CHFR: variants seen among roughly 807,000 people sequenced by gnomAD.
CHFR encodes E3 ubiquitin-protein ligase CHFR.
CHFR carries 57 observed loss-of-function variants against 87.6 expected under a neutral mutation model. The ratio of observed to expected loss-of-function variants is 0.65; its 90% CI spans 0.53 to 0.81. The LOEUF (loss-of-function observed/expected upper bound fraction) is 0.81, where lower values mean the gene tolerates loss of function less well. CHFR is among the 30% of genes least tolerant of loss of function. The pLI, the probability that CHFR is intolerant of heterozygous loss-of-function variation, is 0.00. For synonymous variants in CHFR, 381 were observed against 359.2 expected (o/e 1.06, Z -0.69); for missense variants, 797 against 865.8 (o/e 0.92, Z 1.00).
chr12:132,858,881 T>C (rs1951147761), intron 8 of CHFR, among the ~76,000 whole-genome samples, 187 bp downstream of exon 8: 2 of 145,982 alleles, frequency 1.4e-5, no homozygotes, highest in Admixed American at 6.9e-5. Flanking sequence ...GAGGGAGAGG[T>C]TGCAGTGGGC....
intron 16 of CHFR, 143 bp from the exon 17 acceptor site, chr12:132,843,226 C>T (rs189121495): frequency 8.2e-6 from 6 of 732,102 alleles, no homozygotes; most frequent in African/African-American, 3.5e-5. Flanking sequence ...TTCCTCGGAC[C>T]GTTCTGAGAT....
rs1950634880 is a variant in CHFR, at chr12:132,834,761, G to A, written c.*6793C>T. 6.6e-6 allele frequency: 1 copy of A among 150,492 alleles called. No homozygotes were observed. Among genetic ancestry groups the A allele is most frequent in the Admixed American group, 6.6e-5 (1 of 15,140 alleles). 9.3% of individuals were successfully genotyped at this position (150,492 alleles called of 1,614,324 possible). A position where few individuals can be genotyped will look rare whatever the true frequency, so the allele number is the denominator to read the frequency against. ...GATAGAGTCTCGCTCTGTCGCCCAG[G>A]CGGGAGTGCAGTGGTGCGATCTCGG... On this transcript the variant is annotated 3_prime_UTR_variant, in exon 18 of 18. Transcript: ENST00000450056.
At position 132,853,480 on chromosome 12, in the gene CHFR, G is replaced by A; in HGVS notation, c.1323C>T (p.Ala441=). 1.3e-6 allele frequency: 2 copies of A among 1,539,850 alleles called. No homozygotes were observed. The highest frequency in any genetic ancestry group is 1.7e-6 in the Non-Finnish European group (2 of 1,150,306). The change falls in exon 11 of 18, where the codon GCC becomes GCT. Residue 441 remains alanine (A), a synonymous_variant. Transcript: ENST00000450056. The part of the protein sequence containing the change: ...HCPAPEGEPG[A]PQALGDAPST... ...AGGGTGCATCCCCCAGGGCCTGTGG[G>A]GCTCCTGGCTCGCCCTCGGGTGCTG... is the stretch of plus-strand genomic sequence containing the variant.
chr12:132,866,860 G>A (rs757496295), intron 6 of CHFR: 23 of 152,214 alleles, frequency 1.5e-4, no homozygotes, highest in African/African-American at 4.3e-4. Context: ...GGCCAACAAC[G>A]TCTCTACTAA....
intron 10 of CHFR, among the ~76,000 whole-genome samples, chr12:132,855,227 G>A (rs1241528792): frequency 4.9e-5 from 7 of 144,106 alleles, no homozygotes; most frequent in Non-Finnish European, 1.1e-4. Context: ...GGGCAACAGA[G>A]CGAGACTTTG....
chr12:132,835,715 T>C lies in CHFR; in HGVS notation c.*5839A>G. ...TACTTTCTGTTGTTTAAGCCGCCTG[T>C]TCTGCGGCGTTTTGATCCAGCGGCC... On this transcript the variant is annotated 3_prime_UTR_variant, in exon 18 of 18. Coordinates refer to ENST00000450056, the MANE Select transcript of CHFR (RefSeq NM_001161346.2). The C allele has an allele frequency of 4.0e-6, 1 of 249,936 alleles. No homozygotes were observed. Among genetic ancestry groups the C allele is most frequent in the Non-Finnish European group, 8.0e-6 (1 of 125,384 alleles). 15.5% of individuals were successfully genotyped at this position (249,936 alleles called of 1,614,324 possible).
Position 132,861,531 on chromosome 12 carries a change from G to A in CHFR, c.687C>T (p.Ser229=), listed in dbSNP as rs908433616. The change falls in exon 7 of 18, where the codon TCC becomes TCT. Residue 229 remains serine, a synonymous_variant. Transcript: ENST00000450056. ...GATCCTGGGGTTCCAACGACGAAAA[G>A]GACGCAGTCTTTCTGTCTGGGAGAG... The part of the protein sequence containing the change: ...ASALPDRKTA[S]FSSLEPQDQE... 2.5e-6 allele frequency: 4 copies of A among 1,614,222 alleles called. No individual in the cohort carries two copies. In the South Asian group the frequency reaches 3.3e-5, roughly 13 times the overall value.
chr12:132,861,839 T>TG (rs971680176), intron 6 of CHFR: 1 of 549,524 alleles, frequency 1.8e-6, no homozygotes, highest in African/African-American at 1.9e-5. Flanking sequence ...GGGGTGGAGC[T>TG]GGGGGCAAGG....
intron 2 of CHFR, among the ~76,000 whole-genome samples, chr12:132,877,988 G>A (rs1951668786): frequency 6.6e-6 from 1 of 152,060 alleles, no homozygotes; most frequent in Non-Finnish European, 1.5e-5. Flanking sequence ...GTTTTTAGTA[G>A]AGACGGGGTT....
chr12:132,870,099 T>G lies in CHFR; in HGVS notation c.404-301A>C, dbSNP rs141555038. On this transcript the variant is annotated intron_variant, in intron 5 of 17. Coordinates refer to ENST00000450056, the MANE Select transcript of CHFR (RefSeq NM_001161346.2). ...CGGGCGCGGTGGCTCATACCTGTAA[T>G]CCCAGCACTTTGGGAGGCTGAGGCG... Among the ~76,000 whole-genome samples, 598 of 152,090 alleles carry G rather than the reference T, an allele frequency of 3.9e-3. 2 individuals are homozygous for G. The highest frequency in any genetic ancestry group is 0.012 in the African/African-American group (477 of 41,470).
chr12:132,843,230 C>T, intron 16 of CHFR, 147 bp from the exon 17 acceptor site: 1 of 728,550 alleles, frequency 1.4e-6, no homozygotes, highest in Non-Finnish European at 2.4e-6. Flanking sequence ...TCGGACCGTT[C>T]TGAGATTTCA....
intron 3 of CHFR, among the ~76,000 whole-genome samples, 176 bp downstream of exon 3, chr12:132,877,379 A>G (rs534116903): frequency 6.6e-6 from 1 of 152,334 alleles, no homozygotes; most frequent in African/African-American, 2.4e-5. Context: ...CATTTCTCAG[A>G]CTGGATCCCT....
intron 2 of CHFR, among the ~76,000 whole-genome samples, chr12:132,886,655 A>T (rs1951901709): frequency 1.3e-5 from 2 of 152,198 alleles, no homozygotes; most frequent in South Asian, 4.1e-4. Context: ...TTATTAAATA[A>T]ATAAATATTC....
chr12:132,841,658 C>T (rs1324754169), intron 17 of CHFR, 62 bp from the exon 18 acceptor site: 5 of 1,331,878 alleles, frequency 3.8e-6, no homozygotes, highest in Non-Finnish European at 5.4e-6. Flanking sequence ...AAATAAATTA[C>T]ACAACAGAGC....
chr12:132,855,762 C>T (rs1951053016), intron 10 of CHFR, among the ~76,000 whole-genome samples: 1 of 152,148 alleles, frequency 6.6e-6, no homozygotes, highest in Admixed American at 6.6e-5. Flanking sequence ...GCAGCAAAAT[C>T]TTAATGCTAA....
In CHFR at chr12:132,872,811, T is replaced by C. The variant is rs1951521910; in HGVS notation, c.234-417A>G. 2.0e-5 allele frequency among the ~76,000 whole-genome samples: 3 copies of C among 152,352 alleles called. No individual in the cohort carries two copies. In the South Asian group the frequency reaches 6.2e-4, roughly 32 times the overall value. On this transcript the variant is annotated intron_variant, in intron 3 of 17. Transcript: ENST00000450056. Reference sequence around the variant, plus strand: ...GTGAACTCATGCCTCCAATGAGTACTGATCCCTCCCAAGAGACTGGCTCTG... The same window carrying C: ...GTGAACTCATGCCTCCAATGAGTACCGATCCCTCCCAAGAGACTGGCTCTG...
At chr12:132,887,116 G>T in intron 2 of CHFR, 80 bp downstream of exon 2, 1 of 1,244,658 alleles carries the variant, frequency 8.0e-7, no homozygotes, top group Non-Finnish European at 1.1e-6. Flanking sequence ...AGCGCACACT[G>T]CACCGCCGCC....
chr12:132,884,141 G>A (rs1340921758), intron 2 of CHFR, among the ~76,000 whole-genome samples: 4 of 151,156 alleles, frequency 2.6e-5, no homozygotes, highest in African/African-American at 7.3e-5. Flanking sequence ...ATATCAGGCC[G>A]GGCACAGTGG....
chr12:132,863,123 C>T (rs1951253557), intron 6 of CHFR, among the ~76,000 whole-genome samples: 2 of 150,266 alleles, frequency 1.3e-5, no homozygotes, highest in Non-Finnish European at 3.0e-5. Context: ...GTCTCGATCT[C>T]CTGACCTCGT....
Sources: gnomAD v4.1 joint callset for allele counts (sites outside exome capture counted in the v4.1 genomes callset) on GRCh38, gnomAD v4.1.1 for gene constraint, MANE v1.5 for transcripts, NCBI Gene and HGNC (gene_info 2026-07-23, HGNC 2026-07-21) for gene names.